The following CPT1A variants were observed in gnomAD, a reference collection of about 807,000 sequenced individuals.
The protein encoded by CPT1A is carnitine palmitoyltransferase 1A.
In CPT1A, 64 loss-of-function variants were observed where a neutral mutation model predicts 100.8. The ratio of observed to expected loss-of-function variants is 0.63; its 90% CI spans 0.52 to 0.78. The LOEUF is 0.78. Among genes scored for constraint, CPT1A ranks in the 30% least tolerant of loss-of-function variants. The pLI, the probability that CPT1A is intolerant of heterozygous loss-of-function variation, is 0.00. For synonymous variants in CPT1A, 363 were observed against 396.0 expected (o/e 0.92, Z 0.99); for missense variants, 802 against 1,034.1 (o/e 0.78, Z 3.08).
intron 1 of CPT1A, among the ~76,000 whole-genome samples, chr11:68,824,881 C>A (rs1566384976): frequency 6.8e-6 from 1 of 147,892 alleles, no homozygotes. Context: ...TCACGTTAAC[C>A]TTTGCCTCCC....
intron 7 of CPT1A, 143 bp from the exon 8 acceptor site, chr11:68,795,054 A>C (rs952557353): frequency 1.3e-5 from 9 of 709,012 alleles, no homozygotes; most frequent in African/African-American, 1.2e-4. Context: ...GCAATGCTAC[A>C]AAATAAATGG....
chr11:68,824,574 T>C (rs1042591990), intron 1 of CPT1A, among the ~76,000 whole-genome samples: 10 of 152,360 alleles, frequency 6.6e-5, no homozygotes, highest in Admixed American at 2.0e-4. Flanking sequence ...ATTGTGGTTA[T>C]GTTTTTTAAG....
Position 68,755,223 on chromosome 11 carries a change from A to T in CPT1A, c.*2421T>A. 1 of 235,058 alleles carries T rather than the reference A, an allele frequency of 4.3e-6. No homozygotes were observed. The highest frequency in any genetic ancestry group is 8.6e-6 in the Non-Finnish European group (1 of 115,762). 14.6% of individuals were successfully genotyped at this position (235,058 alleles called of 1,614,324 possible). A position where few individuals can be genotyped will look rare whatever the true frequency, so the allele number is the denominator to read the frequency against. ...GTTTAAGCACTCACGTCTACACTCA[A>T]AATGCCCTGTGAACTCTAGTGTAAC... On this transcript the variant is annotated 3_prime_UTR_variant, in exon 19 of 19. Transcript: ENST00000265641.
In CPT1A at chr11:68,761,743, C is replaced by T. The variant is rs3763836; in HGVS notation, c.1876-56G>A. On this transcript the variant is annotated intron_variant, in intron 15 of 18. Coordinates refer to ENST00000265641, the MANE Select transcript of CPT1A (RefSeq NM_001876.4). ...TTGCATGTCTCAAGTTGAGCAGTTA[C>T]GGATCTAAGTTAGCCACCGCACCCG... 1,223 of 1,599,694 alleles carry T rather than the reference C, an allele frequency of 7.6e-4. 13 individuals carry two copies. The East Asian group carries it at 0.024, about 32-fold the overall frequency.
In CPT1A at chr11:68,837,700, G is replaced by A. The variant is rs562524454; in HGVS notation, c.-14+4075C>T. On this transcript the variant is annotated intron_variant, in intron 1 of 18. Transcript: ENST00000265641. ...GGAAAAAGGGTGCTTCGGGCAGGGC[G>A]AGGGGGCTTATGCCTGTAATCCCAG... Among the ~76,000 whole-genome samples, 9 of 152,260 alleles carry A rather than the reference G, an allele frequency of 5.9e-5. No homozygotes were observed. In the South Asian group the frequency reaches 1.2e-3, roughly 21 times the overall value.
chr11:68,816,767 TGTGTGTGTGTGTG>T (rs1856405188), intron 1 of CPT1A, among the ~76,000 whole-genome samples: 1 of 145,520 alleles, frequency 6.9e-6, no homozygotes, highest in African/African-American at 2.5e-5. Flanking sequence ...TGTGTGTGTG[TGTGTGTGTGTGTG>T]GTGTGTGTGT....
chr11:68,764,271 G>A (rs538556401), intron 14 of CPT1A, among the ~76,000 whole-genome samples: 38 of 152,222 alleles, frequency 2.5e-4, no homozygotes, highest in Non-Finnish European at 4.3e-4. Context: ...GGGACGAGAA[G>A]GTGATAAGCA....
intron 9 of CPT1A, among the ~76,000 whole-genome samples, chr11:68,789,555 C>G (rs1402818550): frequency 6.6e-6 from 1 of 152,112 alleles, no homozygotes; most frequent in East Asian, 1.9e-4. Context: ...TGCTATCACG[C>G]CTGGTTAATT....
chr11:68,790,839 T>C (rs1855595052), intron 9 of CPT1A, among the ~76,000 whole-genome samples: 1 of 152,156 alleles, frequency 6.6e-6, no homozygotes, highest in South Asian at 2.1e-4. Flanking sequence ...TACATATTTT[T>C]TTGAGATGGA....
At chr11:68,812,638 T>C in intron 2 of CPT1A, 62 bp from the exon 3 acceptor site, 1 of 1,602,678 alleles carries the variant, frequency 6.2e-7, no homozygotes, top group African/African-American at 1.3e-5. Context: ...CAATGACGCT[T>C]CATGGCCCCT....
At chr11:68,767,732 G>A (rs1854849142) in intron 14 of CPT1A, among the ~76,000 whole-genome samples, 1 of 152,162 alleles carries the variant, frequency 6.6e-6, no homozygotes, top group Non-Finnish European at 1.5e-5. Flanking sequence ...TGAAAGCTTC[G>A]TGCAAGAAGC....
intron 9 of CPT1A, among the ~76,000 whole-genome samples, chr11:68,787,604 C>A (rs1455332212): frequency 6.6e-6 from 1 of 151,936 alleles, no homozygotes; most frequent in Non-Finnish European, 1.5e-5. Flanking sequence ...TTAATGAGGT[C>A]ATTAGGGTGG....
At chr11:68,783,960 C>G (rs886234695) in intron 10 of CPT1A, among the ~76,000 whole-genome samples, 1 of 152,218 alleles carries the variant, frequency 6.6e-6, no homozygotes, top group Non-Finnish European at 1.5e-5. Context: ...ACCTCAACTT[C>G]CTGGGCTCAA....
chr11:68,773,049 G>C (rs1334698058), intron 14 of CPT1A, among the ~76,000 whole-genome samples: 1 of 152,194 alleles, frequency 6.6e-6, no homozygotes, highest in Admixed American at 6.5e-5. Flanking sequence ...CGTGTCAGCT[G>C]GGAATCTACG....
In CPT1A at chr11:68,841,648, G is replaced by A; in HGVS notation, c.-14+127C>T. 1 of 423,416 alleles carries A rather than the reference G, an allele frequency of 2.4e-6. No individual in the cohort carries two copies. The highest frequency in any genetic ancestry group is 3.2e-6 in the Non-Finnish European group (1 of 315,486). The allele number at this position is 423,416 out of a possible 1,614,324, so 26.2% of individuals were successfully genotyped here. On this transcript the variant is annotated intron_variant, in intron 1 of 18. Coordinates refer to ENST00000265641, the MANE Select transcript of CPT1A (RefSeq NM_001876.4). The surrounding 1 kb of genome is among the most constrained non-coding windows in gnomAD (Gnocchi z 6.3). ...GGGGAATACCGGGGTTCCTCTCGGC[G>A]CCCCGGTTCCGGCGGCGTCCCCCAC...
chr11:68,795,905 T>C (rs1373484428), intron 7 of CPT1A, among the ~76,000 whole-genome samples: 3 of 133,070 alleles, frequency 2.3e-5, no homozygotes, highest in African/African-American at 8.6e-5. Context: ...CAAGACTCTA[T>C]CTCAAAAAAA....
intron 1 of CPT1A, among the ~76,000 whole-genome samples, chr11:68,816,689 C>T (rs1300332642): frequency 1.3e-5 from 2 of 151,998 alleles, no homozygotes; most frequent in African/African-American, 4.8e-5. Flanking sequence ...CCACAAAGTA[C>T]TAAATGGATA....
At chr11:68,767,036 C>T (rs1854826883) in intron 14 of CPT1A, among the ~76,000 whole-genome samples, 1 of 152,120 alleles carries the variant, frequency 6.6e-6, no homozygotes, top group African/African-American at 2.4e-5. Flanking sequence ...ATGTGAAAGC[C>T]GGGCATGGCC....
intron 4 of CPT1A, among the ~76,000 whole-genome samples, chr11:68,805,491 G>T (rs148311224): frequency 5.9e-5 from 9 of 151,772 alleles, no homozygotes; most frequent in Non-Finnish European, 1.0e-4. Flanking sequence ...GTGGAGTCCC[G>T]GTGTGTGGTG....
Sources: gnomAD v4.1 joint callset for allele counts (sites outside exome capture counted in the v4.1 genomes callset) on GRCh38, gnomAD v4.1.1 for gene constraint, Gnocchi (gnomAD v3.1) non-coding constraint, MANE v1.5 for transcripts, NCBI Gene and HGNC (gene_info 2026-07-23, HGNC 2026-07-21) for gene names.